GAB2: variants seen among roughly 807,000 people sequenced by gnomAD.
GAB2 encodes GRB2 associated binding protein 2, also known as GRB2-associated-binding protein 2.
Under a neutral mutation model 65.5 loss-of-function variants are expected in GAB2, and 26 were observed. The ratio of observed to expected loss-of-function variants is 0.40; its 90% CI spans 0.29 to 0.55. The LOEUF (loss-of-function observed/expected upper bound fraction) is 0.55. GAB2 is among the 20% of genes least tolerant of loss of function. GAB2 has a pLI of 0.53. For synonymous variants in GAB2, 321 were observed against 329.6 expected (o/e 0.97, Z 0.28); for missense variants, 884 against 875.8 (o/e 1.01, Z -0.12).
At chr11:78,331,394 C>T (rs541319377) in intron 1 of GAB2, among the ~76,000 whole-genome samples, 3 of 151,686 alleles carry the variant, frequency 2.0e-5, no homozygotes, top group South Asian at 4.2e-4. Context: ...TACAGTTATG[C>T]ACCACCACAC....
At chr11:78,401,325 G>A (rs1195200965) in intron 1 of GAB2, among the ~76,000 whole-genome samples, 1 of 152,066 alleles carries the variant, frequency 6.6e-6, no homozygotes, top group African/African-American at 2.4e-5. Flanking sequence ...CTGGCAACTA[G>A]CACTAGACTT....
intron 7 of GAB2, 76 bp from the exon 8 acceptor site, chr11:78,221,855 T>G: frequency 1.0e-6 from 1 of 987,044 alleles, no homozygotes; most frequent in Non-Finnish European, 1.6e-6. Context: ...AGCTGGGCCC[T>G]GACCCTCACA....
intron 1 of GAB2, among the ~76,000 whole-genome samples, chr11:78,399,239 A>C (rs1407673005): frequency 6.6e-6 from 1 of 152,208 alleles, no homozygotes; most frequent in Non-Finnish European, 1.5e-5. Flanking sequence ...GTCTCAAGCA[A>C]AGGGCTCATA....
intron 1 of GAB2, among the ~76,000 whole-genome samples, chr11:78,358,483 C>CAAAAAA (rs59495222): frequency 9.4e-6 from 1 of 106,240 alleles, no homozygotes; most frequent in Non-Finnish European, 2.0e-5. Context: ...ATAAAGTGAC[C>CAAAAAA]AAAAAAAAAA....
rs908095195 is a variant in GAB2 at position 78,377,617 on chromosome 11, T to A, written c.75+40029A>T. ...TAGCAGCAGAAAAGCCTATTATGCT[T>A]TGGAGACAAGTGGACTCAGCTTTAT... On this transcript the variant is annotated intron_variant, in intron 1 of 9. Transcript: ENST00000361507. Among the ~76,000 whole-genome samples the A allele has an allele frequency of 2.0e-5, 3 of 152,164 alleles. No homozygotes were observed. The East Asian group carries it at 5.8e-4, about 29-fold the overall frequency.
intron 3 of GAB2, among the ~76,000 whole-genome samples, chr11:78,246,649 C>A (rs1308959010): frequency 6.6e-6 from 1 of 152,104 alleles, no homozygotes; most frequent in East Asian, 1.9e-4. Flanking sequence ...CAGGGGCCCA[C>A]TACCAAGCCC....
Position 78,226,966 on chromosome 11 carries a change from G to C in GAB2, c.706C>G (p.His236Asp). The C allele has an allele frequency of 6.2e-7, 1 of 1,613,478 alleles. No homozygotes were observed. Among genetic ancestry groups the C allele is most frequent in the Non-Finnish European group, 8.5e-7 (1 of 1,179,496 alleles). The change falls in exon 4 of 10, where the codon CAC becomes GAC. Residue 236 changes from histidine (H) to aspartate (D), a missense_variant. Transcript: ENST00000361507. Reference sequence around the variant, plus strand: ...TGACCACTGATCCCGTTGACACAGTGTCCATTGCCCTGGGCAAGTTTTTGT... The same window carrying C: ...TGACCACTGATCCCGTTGACACAGTCTCCATTGCCCTGGGCAAGTTTTTGT... Reference protein sequence around the residue: ...AVQKLAQGNGHCVNGISGQVH... With the variant: ...AVQKLAQGNGDCVNGISGQVH...
intron 1 of GAB2, among the ~76,000 whole-genome samples, chr11:78,310,861 C>T (rs1184292904): frequency 1.3e-5 from 2 of 152,226 alleles, no homozygotes; most frequent in South Asian, 2.1e-4. Context: ...GTGGGTATGT[C>T]CTACAGTTCA....
chr11:78,277,718 C>T (rs1199464790), intron 2 of GAB2, among the ~76,000 whole-genome samples: 1 of 152,188 alleles, frequency 6.6e-6, no homozygotes, highest in African/African-American at 2.4e-5. Flanking sequence ...ATAGCCCTCT[C>T]CAAGGGAAGA....
chr11:78,287,271 T>C (rs1866509100), intron 1 of GAB2, among the ~76,000 whole-genome samples: 1 of 152,200 alleles, frequency 6.6e-6, no homozygotes, highest in African/African-American at 2.4e-5. Flanking sequence ...TCAAATGTTA[T>C]ACTTAGTTTT....
At chr11:78,305,272 T>A (rs934134456) in intron 1 of GAB2, among the ~76,000 whole-genome samples, 6 of 152,264 alleles carry the variant, frequency 3.9e-5, no homozygotes, top group Non-Finnish European at 8.8e-5. Context: ...AGTCTTTTTT[T>A]ATTTTTTTAT....
At chr11:78,220,525 G>A in intron 8 of GAB2, 81 bp from the exon 9 acceptor site, 1 of 1,263,130 alleles carries the variant, frequency 7.9e-7, no homozygotes. Context: ...CTGGGAGTAA[G>A]AACACTGTTT....
At chr11:78,234,882 C>T (rs960044955) in intron 3 of GAB2, among the ~76,000 whole-genome samples, 9 of 152,002 alleles carry the variant, frequency 5.9e-5, no homozygotes, top group East Asian at 5.9e-4. Flanking sequence ...TGGTGGCACG[C>T]GCCTGTAATC....
intron 1 of GAB2, among the ~76,000 whole-genome samples, chr11:78,306,613 T>C (rs1855365348): frequency 6.6e-6 from 1 of 152,248 alleles, no homozygotes; most frequent in Non-Finnish European, 1.5e-5. Flanking sequence ...AGATTTCATT[T>C]GGAAGCAATC....
chr11:78,345,626 A>G (rs763347278), intron 1 of GAB2, among the ~76,000 whole-genome samples: 13 of 152,202 alleles, frequency 8.5e-5, no homozygotes, highest in Non-Finnish European at 1.8e-4. Context: ...TAGTCAAGGG[A>G]GAGGCTTCTT....
At chr11:78,292,311 C>G (rs2134608212) in intron 1 of GAB2, among the ~76,000 whole-genome samples, 1 of 152,280 alleles carries the variant, frequency 6.6e-6, no homozygotes, top group African/African-American at 2.4e-5. Flanking sequence ...CAAGTAATGT[C>G]TTGCCCCTTC....
chr11:78,321,624 A>G (rs1458330397), intron 1 of GAB2, among the ~76,000 whole-genome samples: 1 of 152,208 alleles, frequency 6.6e-6, no homozygotes, highest in Admixed American at 6.5e-5. Flanking sequence ...GGAGAAGATT[A>G]TATGTAAGAT....
At chr11:78,358,439 TATA>T (rs201503823) in intron 1 of GAB2, among the ~76,000 whole-genome samples, 4,583 of 117,218 alleles carry the variant, frequency 0.039, 169 homozygotes, top group African/African-American at 0.1. Flanking sequence ...GAACTTAAAA[TATA>T]ATAATAATAA....
chr11:78,258,185 C>T (rs918184063), intron 2 of GAB2, among the ~76,000 whole-genome samples: 1 of 152,134 alleles, frequency 6.6e-6, no homozygotes, highest in Non-Finnish European at 1.5e-5. Context: ...GAGGGCTGGT[C>T]CCACCTCAGA....
Sources: gnomAD v4.1 joint callset for allele counts (sites outside exome capture counted in the v4.1 genomes callset) on GRCh38, gnomAD v4.1.1 for gene constraint, MANE v1.5 for transcripts, NCBI Gene and HGNC (gene_info 2026-07-23, HGNC 2026-07-21) for gene names.